SLC39A11: variants seen among roughly 807,000 people sequenced by gnomAD.
The protein encoded by SLC39A11 is zinc transporter ZIP11.
In SLC39A11, 33 loss-of-function variants were observed where a neutral mutation model predicts 36.1. That is an observed-to-expected ratio of 0.91 (90% CI 0.69 to 1.22). The LOEUF (loss-of-function observed/expected upper bound fraction) is 1.22, where lower values mean the gene tolerates loss of function less well. SLC39A11 is among the 50% of genes most tolerant of loss of function. The probability of loss-of-function intolerance (pLI) is 0.00; values close to 1 mark genes in which losing one functional copy is unlikely to be tolerated. For missense variants in SLC39A11, 432 were observed against 430.3 expected (o/e 1.00, Z -0.03); for synonymous variants, 166 against 170.3 (o/e 0.97, Z 0.20).
intron 5 of SLC39A11, 47 bp from the exon 6 acceptor site, chr17:72,849,851 G>A: frequency 6.8e-7 from 1 of 1,475,000 alleles, no homozygotes; most frequent in Middle Eastern, 1.8e-4. Flanking sequence ...ACAGCGCTTT[G>A]AACATGTGCA....
intron 5 of SLC39A11, among the ~76,000 whole-genome samples, chr17:72,913,339 G>C (rs2083136178): frequency 6.6e-6 from 1 of 152,192 alleles, no homozygotes; most frequent in South Asian, 2.1e-4. Context: ...GAGAGACAGG[G>C]ACAAAATCAA....
intron 7 of SLC39A11, among the ~76,000 whole-genome samples, chr17:72,657,941 G>C (rs1238926721): frequency 6.6e-6 from 1 of 152,188 alleles, no homozygotes; most frequent in Non-Finnish European, 1.5e-5. Flanking sequence ...ATGCTGGGTG[G>C]GTCCTTGCGG....
chr17:73,045,463 T>G (rs1040290056), intron 3 of SLC39A11, among the ~76,000 whole-genome samples: 1 of 151,660 alleles, frequency 6.6e-6, no homozygotes, highest in Non-Finnish European at 1.5e-5. Context: ...TTTCTTTTTT[T>G]TCCAAGTGCA....
chr17:72,937,857 C>A (rs2084870341), intron 5 of SLC39A11, among the ~76,000 whole-genome samples: 1 of 152,208 alleles, frequency 6.6e-6, no homozygotes, highest in South Asian at 2.1e-4. Flanking sequence ...TGGCTCACCA[C>A]ATCTAAGAGC....
intron 4 of SLC39A11, among the ~76,000 whole-genome samples, chr17:73,015,710 G>C (rs1476346961): frequency 6.6e-6 from 1 of 152,118 alleles, no homozygotes; most frequent in African/African-American, 2.4e-5. Context: ...GGCCTCCCAA[G>C]TAGCTGGGAT....
chr17:72,754,778 G>A (rs768257183), intron 6 of SLC39A11, among the ~76,000 whole-genome samples: 3 of 152,214 alleles, frequency 2.0e-5, no homozygotes, highest in Non-Finnish European at 4.4e-5. Context: ...CAGAGAAAAG[G>A]AGTGTGTGCA....
chr17:72,805,529 T>G (rs1043988863), intron 6 of SLC39A11, among the ~76,000 whole-genome samples: 1 of 152,162 alleles, frequency 6.6e-6, no homozygotes, highest in African/African-American at 2.4e-5. Context: ...TCAAGGCAGA[T>G]TTATACTCAG....
intron 3 of SLC39A11, among the ~76,000 whole-genome samples, chr17:73,047,027 ATTTT>A (rs367548823): frequency 1.4e-5 from 2 of 138,014 alleles, no homozygotes; most frequent in Non-Finnish European, 3.1e-5. Flanking sequence ...TATTTTATTT[ATTTT>A]TTTTTTTTTT....
chr17:73,042,734 G>A (rs1023443006), intron 3 of SLC39A11, among the ~76,000 whole-genome samples: 2 of 152,122 alleles, frequency 1.3e-5, no homozygotes, highest in Non-Finnish European at 2.9e-5. Context: ...CCTGGGAGGC[G>A]GAGGTTGCAG....
At chr17:72,823,181 A>G (rs2077869503) in intron 6 of SLC39A11, among the ~76,000 whole-genome samples, 2 of 151,266 alleles carry the variant, frequency 1.3e-5, no homozygotes, top group Admixed American at 1.3e-4. Flanking sequence ...CTCTCTGTGG[A>G]TGAAAACTAC....
chr17:72,765,868 T>C (rs1293281004), intron 6 of SLC39A11, among the ~76,000 whole-genome samples: 2 of 152,024 alleles, frequency 1.3e-5, no homozygotes, highest in Non-Finnish European at 2.9e-5. Context: ...TGCAAGATAA[T>C]GGGAAAGTTT....
At chr17:72,830,432 G>C (rs1008186970) in intron 6 of SLC39A11, among the ~76,000 whole-genome samples, 3 of 152,036 alleles carry the variant, frequency 2.0e-5, no homozygotes, top group African/African-American at 7.2e-5. Flanking sequence ...CTGTGTCTTG[G>C]ATAACACATC....
chr17:72,869,822 A>G (rs1172366366), intron 5 of SLC39A11, among the ~76,000 whole-genome samples: 3 of 152,346 alleles, frequency 2.0e-5, no homozygotes, highest in African/African-American at 4.8e-5. Context: ...TTAAAATGCA[A>G]ATAGAACAGA....
intron 6 of SLC39A11, among the ~76,000 whole-genome samples, chr17:72,793,087 G>A (rs2076769539): frequency 2.0e-5 from 3 of 152,162 alleles, no homozygotes; most frequent in Non-Finnish European, 4.4e-5. Flanking sequence ...GGAGGCTCTG[G>A]TCAGTCAACA....
chr17:72,774,551 T>C (rs1174931394), intron 6 of SLC39A11, among the ~76,000 whole-genome samples: 1 of 152,122 alleles, frequency 6.6e-6, no homozygotes, highest in African/African-American at 2.4e-5. Context: ...AACAGGACCC[T>C]GCTAACACCA....
At chr17:72,711,306 T>A (rs1483604108) in intron 7 of SLC39A11, among the ~76,000 whole-genome samples, 1 of 152,006 alleles carries the variant, frequency 6.6e-6, no homozygotes, top group South Asian at 2.1e-4. Context: ...GCCAAAAAAA[T>A]GTGAAGGGGA....
intron 4 of SLC39A11, among the ~76,000 whole-genome samples, chr17:72,989,608 C>T (rs1190776303): frequency 6.6e-6 from 1 of 152,204 alleles, no homozygotes; most frequent in Non-Finnish European, 1.5e-5. Flanking sequence ...GAAGTATGTT[C>T]ATTTATAATG....
chr17:73,008,105 A>AAAAAAAGAAAAAG (rs1555676131), intron 4 of SLC39A11, among the ~76,000 whole-genome samples: 2 of 139,624 alleles, frequency 1.4e-5, no homozygotes, highest in Non-Finnish European at 3.0e-5. Flanking sequence ...TCAGTCTCAA[A>AAAAAAAGAAAAAG]AAAAAGAAAA....
chr17:72,811,659 CAA>C (rs2077438981), intron 6 of SLC39A11, among the ~76,000 whole-genome samples: 1 of 152,216 alleles, frequency 6.6e-6, no homozygotes, highest in South Asian at 2.1e-4. Context: ...CCTCTTACAA[CAA>C]AGAGGTGAAC....
Sources: allele counts gnomAD v4.1 joint callset (sites outside exome capture counted in the v4.1 genomes callset), GRCh38; gene constraint gnomAD v4.1.1; transcripts MANE v1.5; gene names NCBI Gene and HGNC (gene_info 2026-07-23, HGNC 2026-07-21).